LAMA3: variants seen among roughly 807,000 people sequenced by gnomAD.
LAMA3 encodes laminin subunit alpha 3, also known as laminin subunit alpha-3.
In LAMA3, 281 loss-of-function variants were observed where a neutral mutation model predicts 402.0. The observed-to-expected ratio is 0.70, with a 90% CI of 0.63 to 0.77. LAMA3 has a LOEUF of 0.77. Ranked by LOEUF, LAMA3 falls within the 30% of genes least tolerant of loss-of-function variation. The probability of loss-of-function intolerance (pLI) is 0.00; values close to 1 mark genes in which losing one functional copy is unlikely to be tolerated. For missense variants in LAMA3, 3,840 were observed against 4,215.5 expected, an observed-to-expected ratio of 0.91 and a Z score of 2.47; for synonymous variants, 1,431 against 1,558.4, an observed-to-expected ratio of 0.92 and a Z score of 1.93.
rs562813153 is a variant in LAMA3, at chr18:23,806,159, T to G, written c.1604-4207T>G. ...GTCCATTATGGTAACCACACCCGCCTTGCTTTTGGTGGTTTATTGCCACCA... is the reference window on the plus strand; with the variant it reads ...GTCCATTATGGTAACCACACCCGCCGTGCTTTTGGTGGTTTATTGCCACCA... On this transcript the variant is annotated intron_variant, in intron 12 of 74. Coordinates refer to ENST00000313654, the MANE Select transcript of LAMA3 (RefSeq NM_198129.4). Among the ~76,000 whole-genome samples, 83 of 152,308 alleles carry G rather than the reference T, an allele frequency of 5.4e-4. 1 individual carries two copies. Among genetic ancestry groups the G allele is most frequent in the Non-Finnish European group, 5.9e-5 (4 of 68,028 alleles).
chr18:23,702,499 G>T (rs1174258888), intron 1 of LAMA3, among the ~76,000 whole-genome samples: 1 of 151,878 alleles, frequency 6.6e-6, no homozygotes, highest in African/African-American at 2.4e-5. Context: ...AATTTTTTTT[G>T]TGTGTGTGTG....
intron 56 of LAMA3, among the ~76,000 whole-genome samples, chr18:23,913,849 A>C (rs914366056): frequency 1.3e-5 from 2 of 152,226 alleles, no homozygotes; most frequent in Admixed American, 1.3e-4. Context: ...TGATAAACAA[A>C]AATTTATTCT....
intron 1 of LAMA3, among the ~76,000 whole-genome samples, chr18:23,704,257 T>C (rs2060845396): frequency 1.3e-5 from 2 of 152,242 alleles, no homozygotes; most frequent in South Asian, 4.1e-4. Flanking sequence ...TGGGCAGGTG[T>C]ATATAGAGTC....
rs1402220281 is a variant in LAMA3, at chr18:23,692,857, A to G, written c.294+2880A>G. On this transcript the variant is annotated intron_variant, in intron 1 of 74. Transcript: ENST00000313654. ...AGATTACGATTAGTATCCTAAATAT[A>G]TAACAATCCAGTTTGAATTGATACT... is the stretch of plus-strand genomic sequence containing the variant. Among the ~76,000 whole-genome samples, 20 of 152,136 alleles carry G rather than the reference A, an allele frequency of 1.3e-4. 1 individual carries two copies. Among genetic ancestry groups the G allele is most frequent in the Admixed American group, 1.2e-3 (18 of 15,270 alleles).
chr18:23,949,452 T>G (rs1217268134), intron 70 of LAMA3, among the ~76,000 whole-genome samples: 2 of 152,164 alleles, frequency 1.3e-5, no homozygotes, highest in Non-Finnish European at 2.9e-5. Flanking sequence ...CCTTCCCTGT[T>G]CTTATTCTAG....
intron 6 of LAMA3, among the ~76,000 whole-genome samples, chr18:23,756,964 G>A: frequency 1.1e-4 from 1 of 8,876 alleles, no homozygotes. Context: ...GCCCCGCCCC[G>A]CCCCAGTAAC....
intron 1 of LAMA3, among the ~76,000 whole-genome samples, chr18:23,699,603 AGG>A: frequency 6.6e-6 from 1 of 152,176 alleles, no homozygotes; most frequent in South Asian, 2.1e-4. Flanking sequence ...TCATAAATCT[AGG>A]CTAAGAGGAA....
At chr18:23,855,287 T>G (rs542907564) in intron 32 of LAMA3, among the ~76,000 whole-genome samples, 2 of 152,362 alleles carry the variant, frequency 1.3e-5, no homozygotes, top group African/African-American at 4.8e-5. Context: ...GTGCGTGGTG[T>G]TCTTTCCTTC....
At chr18:23,745,426 C>T (rs1012608495) in intron 2 of LAMA3, among the ~76,000 whole-genome samples, 1 of 152,100 alleles carries the variant, frequency 6.6e-6, no homozygotes, top group African/African-American at 2.4e-5. Flanking sequence ...ACATAGCTCC[C>T]CACCCCTGGG....
intron 67 of LAMA3, among the ~76,000 whole-genome samples, chr18:23,935,239 G>A (rs1342662246): frequency 2.0e-5 from 3 of 152,230 alleles, no homozygotes; most frequent in Non-Finnish European, 4.4e-5. Flanking sequence ...TTGGATGAAT[G>A]GGGATGTCCC....
chr18:23,791,673 G>A (rs944264160), intron 12 of LAMA3, among the ~76,000 whole-genome samples: 1 of 146,936 alleles, frequency 6.8e-6, no homozygotes, highest in African/African-American at 2.5e-5. Context: ...GGCAGAGTTT[G>A]CAGTGAGCTG....
chr18:23,857,110 T>C (rs1183391852), intron 32 of LAMA3, among the ~76,000 whole-genome samples: 2 of 152,228 alleles, frequency 1.3e-5, no homozygotes, highest in East Asian at 3.8e-4. Context: ...GCAGCTACCG[T>C]GTTCTGTCCC....
rs767178143 is a variant in LAMA3, at chr18:23,950,134, T to G, written c.9617T>G (p.Leu3206Ter). The part of the protein sequence containing the change: ...IHIGSQPGKH[L>*]CVYLEAGKVT... ...ATCGGAAGTCAGCCCGGGAAGCACT[T>G]ATGTGTTTACCTGGAGGCAGGAAAG... The change falls in exon 72 of 75, where the codon TTA becomes TGA. Residue 3206 changes from leucine to a stop codon, truncating the protein, a stop_gained. Coordinates refer to ENST00000313654, the MANE Select transcript of LAMA3 (RefSeq NM_198129.4). LOFTEE classifies it high-confidence loss of function. 2 of 1,614,062 alleles carry G rather than the reference T, an allele frequency of 1.2e-6. No homozygotes were observed. Among genetic ancestry groups the G allele is most frequent in the South Asian group, 1.1e-5 (1 of 91,064 alleles).
chr18:23,838,766 G>C lies in LAMA3; in HGVS notation c.3094-15G>C, dbSNP rs1482416075. 2 of 1,494,904 alleles carry C rather than the reference G, an allele frequency of 1.3e-6. No homozygotes were observed. Among genetic ancestry groups the C allele is most frequent in the African/African-American group, 1.4e-5 (1 of 72,534 alleles). The allele number at this position is 1,494,904 out of a possible 1,614,324, so 92.6% of individuals were successfully genotyped here. ...TAACTGCAATGTGCCTTTGTGCATT[G>C]TATTTGCTCACTAGCATCAAGTTTG... On this transcript the variant is annotated splice_polypyrimidine_tract_variant and intron_variant, in intron 25 of 74. Transcript: ENST00000313654.
intron 7 of LAMA3, among the ~76,000 whole-genome samples, chr18:23,759,029 T>C (rs2061912737): frequency 1.3e-5 from 2 of 151,862 alleles, no homozygotes; most frequent in African/African-American, 4.8e-5. Flanking sequence ...GAGTGTAACA[T>C]AAAGTAAGAA....
intron 5 of LAMA3, among the ~76,000 whole-genome samples, 134 bp from the exon 6 acceptor site, chr18:23,753,568 TATTTTATAAGACATGTTAC>T (rs1206260968): frequency 2.6e-5 from 4 of 152,230 alleles, no homozygotes; most frequent in Non-Finnish European, 1.5e-5. Context: ...GGAATGTGTT[TATTTTATAAGACATGTTAC>T]ATCCCAATGT....
At chr18:23,953,646 G>A (rs1023920191) in intron 74 of LAMA3, among the ~76,000 whole-genome samples, 2 of 152,114 alleles carry the variant, frequency 1.3e-5, no homozygotes, top group Non-Finnish European at 2.9e-5. Context: ...CTGGCCCCAA[G>A]CCTATAATTT....
At chr18:23,784,470 T>C (rs1226177336) in intron 12 of LAMA3, among the ~76,000 whole-genome samples, 2 of 152,182 alleles carry the variant, frequency 1.3e-5, no homozygotes, top group Non-Finnish European at 2.9e-5. Flanking sequence ...TCTCAGATCC[T>C]GTTGGGGCGG....
At chr18:23,953,210 T>C in intron 74 of LAMA3, 101 bp downstream of exon 74, 3 of 1,481,574 alleles carry the variant, frequency 2.0e-6, no homozygotes, top group Non-Finnish European at 2.8e-6. Flanking sequence ...ACAGTGGAGA[T>C]GGTGAGGCCC....
Sources: allele counts gnomAD v4.1 joint callset (sites outside exome capture counted in the v4.1 genomes callset), GRCh38; gene constraint gnomAD v4.1.1; transcripts MANE v1.5; gene names NCBI Gene and HGNC (gene_info 2026-07-23, HGNC 2026-07-21).